Variants in TRPM1 observed in about 807,000 individuals in gnomAD.
TRPM1 encodes TRPM1-203 APA Isoform, Intron 10.
In TRPM1, 113 loss-of-function variants were observed where a neutral mutation model predicts 149.4. The ratio of observed to expected loss-of-function variants is 0.76; its 90% CI spans 0.65 to 0.88. The LOEUF is 0.88. TRPM1 is among the 40% of genes least tolerant of loss of function. The pLI is 0.00. For missense variants in TRPM1, 1,976 were observed against 2,038.7 expected, an observed-to-expected ratio of 0.97 and a Z score of 0.59; for synonymous variants, 741 against 759.5, an observed-to-expected ratio of 0.98 and a Z score of 0.40.
intron 27 of TRPM1, among the ~76,000 whole-genome samples, chr15:31,004,348 T>G (rs2031898586): frequency 6.6e-6 from 1 of 152,056 alleles, no homozygotes; most frequent in Non-Finnish European, 1.5e-5. Context: ...ACTGTTTGCA[T>G]CGCTAAGTCA....
At chr15:31,016,164 T>C (rs1410315922) in intron 27 of TRPM1, among the ~76,000 whole-genome samples, 1 of 152,232 alleles carries the variant, frequency 6.6e-6, no homozygotes, top group African/African-American at 2.4e-5. Flanking sequence ...TAGATTATCA[T>C]GGCTGTGTTA....
In TRPM1 at chr15:31,067,063, A is replaced by G; in HGVS notation, c.618T>C (p.Asp206=). 6.2e-7 allele frequency: 1 copy of G among 1,614,166 alleles called. No homozygotes were observed. Among genetic ancestry groups the G allele is most frequent in the Middle Eastern group, 1.6e-4 (1 of 6,062 alleles). Residue 206 remains aspartate, a splice_region_variant and synonymous_variant, in exon 6 of 28, where the codon GAT becomes GAC. Coordinates refer to ENST00000256552, the MANE Select transcript of TRPM1 (RefSeq NM_001252024.2). Reference sequence around the variant, plus strand: ...CAACATTTGCAGAGAAAACACTTACATCCTTTCCAACCAGGTCTTCCTTAT... The same window carrying G: ...CAACATTTGCAGAGAAAACACTTACGTCCTTTCCAACCAGGTCTTCCTTAT... ...VENKEDLVGK[D]VTRVYQTMSN...
At chr15:31,050,053 G>A (rs1452008676) in intron 12 of TRPM1, among the ~76,000 whole-genome samples, 1 of 152,188 alleles carries the variant, frequency 6.6e-6, no homozygotes, top group African/African-American at 2.4e-5. Context: ...TCAAAAAAGG[G>A]CTTTTTCATG....
At chr15:31,059,235 C>T (rs562393764) in intron 11 of TRPM1, among the ~76,000 whole-genome samples, 15 of 152,202 alleles carry the variant, frequency 9.9e-5, no homozygotes, top group East Asian at 5.8e-4. Context: ...AGTGATAAAA[C>T]GTGTTATGGC....
intron 1 of TRPM1, among the ~76,000 whole-genome samples, chr15:31,152,174 C>T (rs938079613): frequency 2.6e-5 from 4 of 152,224 alleles, no homozygotes; most frequent in East Asian, 1.9e-4. Flanking sequence ...GGCCCTGGGC[C>T]CCATCCCTCA....
Position 31,027,016 on chromosome 15 carries a change from G to T in TRPM1, c.3395C>A (p.Pro1132Gln). ...TFHDRPVLPP[P>Q]MIILSHIYII... ...GTAGATGTGGCTTAAAATGATCATCGGTGGGGGCAGGACTGGCCTGTCATG... is the reference window on the plus strand; with the variant it reads ...GTAGATGTGGCTTAAAATGATCATCTGTGGGGGCAGGACTGGCCTGTCATG... The change falls in exon 26 of 28, where the codon CCG (proline) becomes CAG (glutamine). Residue 1132 changes from proline (P) to glutamine (Q), a missense_variant. Transcript: ENST00000256552. The T allele has an allele frequency of 6.2e-7, 1 of 1,614,148 alleles. No individual in the cohort carries two copies. The highest frequency in any genetic ancestry group is 8.5e-7 in the Non-Finnish European group (1 of 1,180,028).
At chr15:31,035,444 C>T in intron 21 of TRPM1, 102 bp downstream of exon 21, 1 of 1,544,610 alleles carries the variant, frequency 6.5e-7, no homozygotes, top group Non-Finnish European at 8.9e-7. Flanking sequence ...CCACGCCTGG[C>T]CCAACATGCA....
At chr15:31,102,005 T>C (rs1267757363), upstream of TRPM1, among the ~76,000 whole-genome samples, 1 of 152,234 alleles carries the variant, frequency 6.6e-6, no homozygotes, top group Non-Finnish European at 1.5e-5. Context: ...TGGCTGGAAA[T>C]GTCAGCAGGG....
chr15:31,089,079 A>G (rs1418789718), intron 1 of TRPM1, among the ~76,000 whole-genome samples: 1 of 152,190 alleles, frequency 6.6e-6, no homozygotes, highest in Non-Finnish European at 1.5e-5. Context: ...TTAATGCCAT[A>G]TTTTTAAAAA....
chr15:31,103,028 G>A (rs2035546686), upstream of TRPM1, among the ~76,000 whole-genome samples: 1 of 152,208 alleles, frequency 6.6e-6, no homozygotes, highest in Admixed American at 6.5e-5. Flanking sequence ...CGGGGCATCT[G>A]AAATCAGTCT....
chr15:31,065,309 C>A (rs921601239), intron 7 of TRPM1, among the ~76,000 whole-genome samples: 1 of 152,192 alleles, frequency 6.6e-6, no homozygotes, highest in East Asian at 1.9e-4. Flanking sequence ...CAGTCCCATA[C>A]ATGATGATTC....
chr15:31,130,889 C>G (rs1264932694), intron 1 of TRPM1, among the ~76,000 whole-genome samples: 1 of 152,176 alleles, frequency 6.6e-6, no homozygotes, highest in African/African-American at 2.4e-5. Flanking sequence ...TCCCATCTCC[C>G]GTACGGCCAG....
At chr15:31,030,224 C>G (rs2033002631) in intron 23 of TRPM1, among the ~76,000 whole-genome samples, 1 of 152,204 alleles carries the variant, frequency 6.6e-6, no homozygotes, top group Non-Finnish European at 1.5e-5. Flanking sequence ...TAGCAGAGCT[C>G]TGGAAGCAGC....
chr15:31,103,993 C>G (rs1406389878), upstream of TRPM1, among the ~76,000 whole-genome samples: 2 of 152,124 alleles, frequency 1.3e-5, no homozygotes, highest in South Asian at 2.1e-4. Flanking sequence ...CATCCTCCCC[C>G]ATGAAGTCAC....
chr15:31,002,955 TTC>T lies in TRPM1; in HGVS notation c.3743_3744del (p.Arg1248AsnfsTer6). The T allele has an allele frequency of 6.2e-7, 1 of 1,600,232 alleles. No individual in the cohort carries two copies. The highest frequency in any genetic ancestry group is 8.5e-7 in the Non-Finnish European group (1 of 1,172,396). The stretch of plus-strand genomic sequence containing the variant: ...GCAAGATTTTCAAGAGCATTCACCA[TTC>T]TGTTAGATAATTCTTCTAGCTGAGC... Reference protein sequence around the residue: ...RLAQLEELSNRMVNALENLAG... With the variant: ...RLAQLEELSNXMVNALENLAG... On this transcript the variant is annotated frameshift_variant, in exon 28 of 28. Coordinates refer to ENST00000256552, the MANE Select transcript of TRPM1 (RefSeq NM_001252024.2). LOFTEE classifies it low-confidence loss of function (END_TRUNC).
intron 1 of TRPM1, among the ~76,000 whole-genome samples, chr15:31,088,733 T>G (rs1038641925): frequency 6.6e-6 from 1 of 151,690 alleles, no homozygotes; most frequent in African/African-American, 2.4e-5. Context: ...GAAGCGGCGG[T>G]ATTCGTCTTC....
At chr15:31,088,527 C>T (rs1015359282) in intron 1 of TRPM1, among the ~76,000 whole-genome samples, 9 of 152,216 alleles carry the variant, frequency 5.9e-5, no homozygotes, top group South Asian at 2.1e-4. Flanking sequence ...GATGCGCCAC[C>T]TTTAAGAGCT....
At chr15:31,114,268 T>C (rs2035766974) in intron 1 of TRPM1, among the ~76,000 whole-genome samples, 1 of 152,224 alleles carries the variant, frequency 6.6e-6, no homozygotes. Flanking sequence ...GGACATGTGG[T>C]ATTTGGTTTT....
chr15:31,061,618 C>T (rs2034234667), intron 9 of TRPM1, 104 bp from the exon 10 acceptor site: 1 of 921,620 alleles, frequency 1.1e-6, no homozygotes, highest in African/African-American at 1.6e-5. Context: ...ATAAAATGAT[C>T]CTGAGCACTA....
Sources: allele counts gnomAD v4.1 joint callset (sites outside exome capture counted in the v4.1 genomes callset), GRCh38; gene constraint gnomAD v4.1.1; transcripts MANE v1.5; gene names NCBI Gene and HGNC (gene_info 2026-07-23, HGNC 2026-07-21).